Variants in ANKRD36 observed in about 807,000 individuals in gnomAD.
ANKRD36 encodes the protein ankyrin repeat domain 36.
In ANKRD36, 179 loss-of-function variants were observed where a neutral mutation model predicts 278.1. That is an observed-to-expected ratio of 0.64 (90% CI 0.57 to 0.73). The LOEUF (loss-of-function observed/expected upper bound fraction) is 0.73, where lower values mean the gene tolerates loss of function less well. ANKRD36 is among the 30% of genes least tolerant of loss of function. The pLI is 0.00. For missense variants in ANKRD36, 1,159 were observed against 1,956.7 expected, an observed-to-expected ratio of 0.59 and a Z score of 7.69; for synonymous variants, 320 against 641.1, an observed-to-expected ratio of 0.50 and a Z score of 7.57.
At chr2:97,226,940 A>G (rs1251713713) in intron 67 of ANKRD36, among the ~76,000 whole-genome samples, 2 of 151,990 alleles carry the variant, frequency 1.3e-5, no homozygotes, top group Non-Finnish European at 2.9e-5. Flanking sequence ...AGTTGTAGAT[A>G]TGCGGCGTTA....
rs113372597 is a variant in ANKRD36 at position 97,189,215 on chromosome 2, A to C, written c.2173-3A>C. On this transcript the variant is annotated splice_polypyrimidine_tract_variant and splice_region_variant and intron_variant, in intron 33 of 75. Coordinates refer to ENST00000420699, the MANE Select transcript of ANKRD36 (RefSeq NM_001354587.1). ...TTATTATTTTCTTTCAAATTCCATT[A>C]AGGCTACAACTGACGAGGAAGATTC... 909 of 755,310 alleles carry C rather than the reference A, an allele frequency of 1.2e-3. 349 individuals are homozygous for C. In the Middle Eastern group the frequency reaches 0.025, roughly 21 times the overall value. 46.8% of individuals were successfully genotyped at this position (755,310 alleles called of 1,614,324 possible).
chr2:97,178,543 T>C (rs925995838), intron 22 of ANKRD36, among the ~76,000 whole-genome samples: 3 of 151,332 alleles, frequency 2.0e-5, no homozygotes, highest in Admixed American at 6.6e-5. Context: ...ATGGATGAAA[T>C]TGGAAATCAT....
Position 97,202,476 on chromosome 2 carries a change from C to T in ANKRD36, c.2959+83C>T, listed in dbSNP as rs181446057. On this transcript the variant is annotated intron_variant, in intron 48 of 75. Transcript: ENST00000420699. ...TCCCCAAATAAATCAGCGGGGGGCT[C>T]GTCGAAGCTGCACTTTCTGATTCAG... 6.0e-4 allele frequency: 910 copies of T among 1,523,410 alleles called. 10 individuals carry two copies. The East Asian group carries it at 0.013, about 22-fold the overall frequency. 94.4% of individuals were successfully genotyped at this position (1,523,410 alleles called of 1,614,324 possible).
At chr2:97,198,984 G>A (rs1398879274) in intron 44 of ANKRD36, among the ~76,000 whole-genome samples, 2 of 151,872 alleles carry the variant, frequency 1.3e-5, no homozygotes, top group Non-Finnish European at 2.9e-5. Flanking sequence ...AGAAAGAGAG[G>A]AAGTATAGAA....
intron 6 of ANKRD36, among the ~76,000 whole-genome samples, chr2:97,131,285 G>T (rs2040077626): frequency 6.6e-6 from 1 of 151,742 alleles, no homozygotes; most frequent in Non-Finnish European, 1.5e-5. Flanking sequence ...AAACTTCTGG[G>T]TTCAGGTGGT....
chr2:97,261,515 A>C (rs1449359944), intron 75 of ANKRD36, among the ~76,000 whole-genome samples: 1 of 129,866 alleles, frequency 7.7e-6, no homozygotes, highest in Non-Finnish European at 1.5e-5. Flanking sequence ...GTGAGTCGAC[A>C]GGATTTTGTA....
chr2:97,216,210 A>T (rs564778711), intron 62 of ANKRD36, among the ~76,000 whole-genome samples: 11 of 152,126 alleles, frequency 7.2e-5, no homozygotes, highest in African/African-American at 2.2e-4. Context: ...TTAGTTATAA[A>T]AATGAGATAA....
intron 5 of ANKRD36, among the ~76,000 whole-genome samples, chr2:97,125,701 G>A (rs1452594885): frequency 6.6e-6 from 1 of 151,538 alleles, no homozygotes; most frequent in Non-Finnish European, 1.5e-5. Flanking sequence ...GGCCCCTCAA[G>A]TGATCTGTTA....
rs145842036 is a variant in ANKRD36, at chr2:97,191,966, A to C, written c.2347+785A>C. On this transcript the variant is annotated intron_variant, in intron 36 of 75. Coordinates refer to ENST00000420699, the MANE Select transcript of ANKRD36 (RefSeq NM_001354587.1). ...TACCTCTTGGATAAAATAGCTATTT[A>C]ATGAAACTTCTTTAGAGAATAACAT... is the stretch of plus-strand genomic sequence containing the variant. 1.1e-3 allele frequency among the ~76,000 whole-genome samples: 168 copies of C among 151,836 alleles called. 1 individual carries two copies. The highest frequency in any genetic ancestry group is 1.7e-3 in the Non-Finnish European group (116 of 67,866).
At chr2:97,189,652 C>T (rs1356984373) in intron 34 of ANKRD36, among the ~76,000 whole-genome samples, 1 of 85,604 alleles carries the variant, frequency 1.2e-5, no homozygotes, top group African/African-American at 2.7e-5. Context: ...ACAGACGTCA[C>T]ATAGTACTGC....
intron 20 of ANKRD36, among the ~76,000 whole-genome samples, chr2:97,165,438 G>A (rs534596603): frequency 3.3e-5 from 5 of 152,254 alleles, no homozygotes; most frequent in Non-Finnish European, 4.4e-5. Flanking sequence ...TGCTTATGTG[G>A]TTGCCTTTAT....
chr2:97,196,549 T>C, intron 40 of ANKRD36, 44 bp from the exon 41 acceptor site: 1 of 1,602,638 alleles, frequency 6.2e-7, no homozygotes, highest in Non-Finnish European at 8.5e-7. Context: ...GATATCTTTG[T>C]CATATTTATG....
At chr2:97,131,929 AGC>A (rs951237451) in intron 6 of ANKRD36, among the ~76,000 whole-genome samples, 1 of 151,246 alleles carries the variant, frequency 6.6e-6, no homozygotes, top group African/African-American at 2.4e-5. Context: ...CCTGGGTTCA[AGC>A]GCTTCTCCTG....
At chr2:97,146,569 A>T (rs1173224166) in intron 11 of ANKRD36, 53 bp downstream of exon 11, 18 of 1,414,402 alleles carry the variant, frequency 1.3e-5, no homozygotes, top group Non-Finnish European at 1.5e-5. Flanking sequence ...TAATAGAGAG[A>T]ATAGAAACTA....
At chr2:97,196,683 T>C (rs1215337923) in intron 41 of ANKRD36, 33 bp from the exon 42 acceptor site, 1 of 1,586,216 alleles carries the variant, frequency 6.3e-7, no homozygotes, top group East Asian at 2.3e-5. Context: ...ACATACTTTA[T>C]TTATTTATTA....
intron 37 of ANKRD36, 23 bp from the exon 38 acceptor site, chr2:97,192,958 A>G (rs751139613): frequency 1.2e-5 from 19 of 1,584,798 alleles, no homozygotes; most frequent in Non-Finnish European, 1.6e-5. Flanking sequence ...TTAATTTATT[A>G]TTTCATTTGA....
At position 97,187,295 on chromosome 2, in the gene ANKRD36, A is replaced by G. The variant is rs1419695510; in HGVS notation, c.2071-34A>G. 5.9e-5 allele frequency: 94 copies of G among 1,595,832 alleles called. 1 individual carries two copies. The highest frequency in any genetic ancestry group is 7.5e-5 in the Non-Finnish European group (88 of 1,172,554). ...TCTATGAAATATACTTCATTGATTT[A>G]TTTATTTATTATTTTCTTTCAAATT... On this transcript the variant is annotated intron_variant, in intron 31 of 75. Coordinates refer to ENST00000420699, the MANE Select transcript of ANKRD36 (RefSeq NM_001354587.1).
At chr2:97,220,979 C>T (rs1336286898) in intron 66 of ANKRD36, among the ~76,000 whole-genome samples, 1 of 100,026 alleles carries the variant, frequency 1.0e-5, no homozygotes, top group Non-Finnish European at 1.8e-5. Context: ...TTCCTGTGTC[C>T]ATGTGATCTC....
At chr2:97,206,210 G>T in intron 52 of ANKRD36, 75 bp downstream of exon 52, 7 of 1,399,320 alleles carry the variant, frequency 5.0e-6, no homozygotes, top group Non-Finnish European at 5.7e-6. Flanking sequence ...GTAAATCAGC[G>T]GGGGGCTCAT....
Sources: allele counts gnomAD v4.1 joint callset (sites outside exome capture counted in the v4.1 genomes callset), GRCh38; gene constraint gnomAD v4.1.1; transcripts MANE v1.5; gene names NCBI Gene and HGNC (gene_info 2026-07-23, HGNC 2026-07-21).